CLDN14: variants seen among roughly 807,000 people sequenced by gnomAD.
CLDN14 encodes claudin 14.
Under a neutral mutation model 2.1 loss-of-function variants are expected in CLDN14, and 2 were observed. That is an observed-to-expected ratio of 0.96 (90% confidence interval 0.39 to 3.01). CLDN14 has a LOEUF of 3.01. Ranked by LOEUF, CLDN14 falls within the 30% of genes most tolerant of loss-of-function variation. CLDN14 has a pLI of 0.09. For synonymous variants in CLDN14, 136 were observed against 154.4 expected, an observed-to-expected ratio of 0.88 and a Z score of 0.88; for missense variants, 298 against 328.0, an observed-to-expected ratio of 0.91 and a Z score of 0.71.
chr21:36,484,462 C>T (rs1044095394), upstream of CLDN14, among the ~76,000 whole-genome samples: 4 of 152,128 alleles, frequency 2.6e-5, no homozygotes, highest in African/African-American at 9.7e-5. Context: ...CCTTGCAGTT[C>T]TGAAGGCCAA....
chr21:36,549,352 G>C (rs564410138), intron 1 of CLDN14, among the ~76,000 whole-genome samples: 2 of 152,030 alleles, frequency 1.3e-5, no homozygotes, highest in South Asian at 2.1e-4. Context: ...AGCCAAAAGT[G>C]GTAGACATGT....
intron 1 of CLDN14, among the ~76,000 whole-genome samples, chr21:36,537,545 T>C (rs1383719706): frequency 3.9e-5 from 6 of 152,244 alleles, no homozygotes; most frequent in African/African-American, 1.2e-4. Flanking sequence ...GTGTCGCAGA[T>C]ACATAGGAGA....
At chr21:36,562,142 AG>A (rs943825850) in intron 1 of CLDN14, among the ~76,000 whole-genome samples, 1 of 152,236 alleles carries the variant, frequency 6.6e-6, no homozygotes, top group Non-Finnish European at 1.5e-5. Context: ...GTGTATTCAT[AG>A]GGGTAATGTC....
At chr21:36,572,986 C>T (rs760472656) in intron 1 of CLDN14, among the ~76,000 whole-genome samples, 3 of 152,290 alleles carry the variant, frequency 2.0e-5, no homozygotes, top group Non-Finnish European at 2.9e-5. Flanking sequence ...CTTCTATGTA[C>T]GTATAGGAAA....
chr21:36,482,411 CGGATGGATGGAT>C (rs75061949), upstream of CLDN14, among the ~76,000 whole-genome samples: 12 of 142,202 alleles, frequency 8.4e-5, no homozygotes, highest in South Asian at 2.4e-4. Context: ...GATGGATAGA[CGGATGGATGGAT>C]GGATGGATGG....
chr21:36,529,332 A>G (rs980096686), intron 1 of CLDN14, among the ~76,000 whole-genome samples: 6 of 151,854 alleles, frequency 4.0e-5, no homozygotes, highest in African/African-American at 1.5e-4. Context: ...TCTGTCGCCC[A>G]GGCTAGAGTG....
intron 1 of CLDN14, among the ~76,000 whole-genome samples, chr21:36,525,055 T>G (rs2087312967): frequency 6.6e-6 from 1 of 152,170 alleles, no homozygotes; most frequent in Non-Finnish European, 1.5e-5. Context: ...CTCTGTGGAA[T>G]GTGCCAGTCA....
chr21:36,470,195 GA>G (rs1410698833), intron 1 of CLDN14, among the ~76,000 whole-genome samples: 1 of 152,106 alleles, frequency 6.6e-6, no homozygotes, highest in Non-Finnish European at 1.5e-5. Flanking sequence ...TCCCCCAAAA[GA>G]GATATGTTGA....
chr21:36,557,985 CT>C (rs1468351482), intron 1 of CLDN14, among the ~76,000 whole-genome samples: 1 of 152,124 alleles, frequency 6.6e-6, no homozygotes, highest in East Asian at 1.9e-4. Context: ...CAATTTCATT[CT>C]TTTGCTTGTG....
At chr21:36,491,981 T>C (rs2086969949) in intron 2 of CLDN14, among the ~76,000 whole-genome samples, 1 of 152,102 alleles carries the variant, frequency 6.6e-6, no homozygotes. Context: ...ATGACCTTCT[T>C]TGGAAATAGA....
At position 36,479,934 on chromosome 21, in the gene CLDN14, C is replaced by T. The variant is rs1038512087; in HGVS notation, c.-521G>A. Reference sequence around the variant, plus strand: ...ATAGTCCAGCCTACGCCTGCCCAGGCTCTCGGCTCCGGGTCCATTGGCTGT... The same window carrying T: ...ATAGTCCAGCCTACGCCTGCCCAGGTTCTCGGCTCCGGGTCCATTGGCTGT... On this transcript the variant is annotated 5_prime_UTR_variant, in exon 1 of 2. Transcript: ENST00000399135. The T allele has an allele frequency of 6.6e-6, 1 of 152,312 alleles. No homozygotes were observed. The highest frequency in any genetic ancestry group is 1.9e-4 in the East Asian group (1 of 5,204). The allele number at this position is 152,312 out of a possible 1,614,324, so 9.4% of individuals were successfully genotyped here.
intron 2 of CLDN14, among the ~76,000 whole-genome samples, chr21:36,493,372 T>C (rs1282574921): frequency 2.6e-5 from 4 of 152,128 alleles, no homozygotes; most frequent in African/African-American, 9.7e-5. Flanking sequence ...TTAAGCTTTC[T>C]TAATGTGGGT....
At chr21:36,567,165 G>T (rs956385293) in intron 1 of CLDN14, among the ~76,000 whole-genome samples, 1 of 152,250 alleles carries the variant, frequency 6.6e-6, no homozygotes, top group Admixed American at 6.5e-5. Context: ...CTTGGAGGCA[G>T]AAGCCTACCC....
Position 36,499,067 on chromosome 21 carries a change from T to C in CLDN14, c.-82+11296A>G, listed in dbSNP as rs1338501823. 6.6e-6 allele frequency among the ~76,000 whole-genome samples: 1 copy of C among 152,156 alleles called. No individual in the cohort carries two copies. The highest frequency in any genetic ancestry group is 1.5e-5 in the Non-Finnish European group (1 of 68,028). On this transcript the variant is annotated intron_variant, in intron 2 of 2. Transcript: ENST00000342108. The surrounding 1 kb of genome is among the most constrained non-coding windows in gnomAD (Gnocchi z 4.7). ...ACCGATATGACAGAAGGGTAACCTT[T>C]CTGGGGTTGCATCTTAGGAAATTTC...
chr21:36,488,408 A>T (rs1275173788), intron 2 of CLDN14, among the ~76,000 whole-genome samples: 1 of 152,044 alleles, frequency 6.6e-6, no homozygotes, highest in African/African-American at 2.4e-5. Context: ...AGTAGCTGGG[A>T]TTACAGGCAC....
intron 1 of CLDN14, among the ~76,000 whole-genome samples, chr21:36,554,943 A>C (rs1411993577): frequency 6.6e-6 from 1 of 152,146 alleles, no homozygotes; most frequent in Middle Eastern, 3.2e-3. Context: ...ATTCTTCCAT[A>C]TTTATAGAAT....
At chr21:36,501,332 C>CTTTTTT (rs58458004) in intron 2 of CLDN14, among the ~76,000 whole-genome samples, 2,158 of 48,394 alleles carry the variant, frequency 0.045, 688 homozygotes, top group Non-Finnish European at 0.075. Context: ...CAATATCTCA[C>CTTTTTT]TTTTTTTTTT....
chr21:36,462,015 C>T (rs946518733), intron 1 of CLDN14, among the ~76,000 whole-genome samples: 2 of 152,198 alleles, frequency 1.3e-5, no homozygotes, highest in African/African-American at 4.8e-5. Context: ...TTCCAGCCAC[C>T]TGCCGGAAGT....
At chr21:36,464,494 C>T (rs1195027868) in intron 1 of CLDN14, among the ~76,000 whole-genome samples, 1 of 152,238 alleles carries the variant, frequency 6.6e-6, no homozygotes, top group Admixed American at 6.5e-5. Context: ...CTTCCCTCCA[C>T]TCAGCAAGCA....
Sources: gnomAD v4.1 joint callset for allele counts (sites outside exome capture counted in the v4.1 genomes callset) on GRCh38, gnomAD v4.1.1 for gene constraint, Gnocchi (gnomAD v3.1) non-coding constraint, MANE v1.5 for transcripts, NCBI Gene and HGNC (gene_info 2026-07-23, HGNC 2026-07-21) for gene names.